The following GLI3 variants were observed in gnomAD, a reference collection of about 807,000 sequenced individuals.
GLI3 encodes the protein transcription activator GLI3.
In GLI3, 20 loss-of-function variants were observed where a neutral mutation model predicts 100.8. The ratio of observed to expected loss-of-function variants is 0.20; its 90% CI spans 0.14 to 0.29. The LOEUF is 0.29. Ranked by LOEUF, GLI3 falls within the 10% of genes least tolerant of loss-of-function variation. GLI3 has a pLI of 1.00. For missense variants in GLI3, 2,040 were observed against 2,128.5 expected, an observed-to-expected ratio of 0.96 and a Z score of 0.82; for synonymous variants, 938 against 860.5, an observed-to-expected ratio of 1.09 and a Z score of -1.58.
intron 1 of GLI3, among the ~76,000 whole-genome samples, chr7:42,247,911 G>A (rs573444026): frequency 6.6e-6 from 1 of 152,328 alleles, no homozygotes; most frequent in East Asian, 1.9e-4. Context: ...CTCGTCCTAG[G>A]TAGAATAACA....
Position 41,966,357 on chromosome 7 carries a change from A to T in GLI3, c.2716T>A (p.Ser906Thr). The T allele has an allele frequency of 6.2e-7, 1 of 1,608,126 alleles. No individual in the cohort carries two copies. The highest frequency in any genetic ancestry group is 8.5e-7 in the Non-Finnish European group (1 of 1,179,228). ...DPISTDASRRSSEASQSDGLP... is the reference protein window; with the variant it reads ...DPISTDASRRTSEASQSDGLP... ...CCGTCGCTCTGGCTGGCTTCGCTGG[A>T]GCGGCGCGAGGCGTCGGTGGAGATG... The change falls in exon 15 of 15, where the codon TCC becomes ACC. Residue 906 changes from serine (S) to threonine (T), a missense_variant. Physicochemically the swap from Ser to Thr is moderately conservative, Grantham distance 58. Around this residue, in one of 5 missense-constraint regions of GLI3, gnomAD observed 8 missense variants for 23.9 expected, o/e 0.33. Transcript: ENST00000395925. This position sits in a 1 kb window ranked among gnomAD's most constrained non-coding sequence, Gnocchi z 5.8.
chr7:42,013,541 T>C (rs1021851373), intron 10 of GLI3, among the ~76,000 whole-genome samples: 1 of 152,098 alleles, frequency 6.6e-6, no homozygotes, highest in Non-Finnish European at 1.5e-5. Flanking sequence ...ATTAGTATTA[T>C]TATTGTTATT....
Position 42,005,462 on chromosome 7 carries a change from C to CAT in GLI3, c.1497+18005_1497+18006insAT, listed in dbSNP as rs1788431563. ...ATTTTTTATCCTGAATTCACATACA[C>CAT]ACACACACACACACACACACACACA... On this transcript the variant is annotated intron_variant, in intron 10 of 14. Transcript: ENST00000395925. Among the ~76,000 whole-genome samples, 3 of 141,674 alleles carry CAT rather than the reference C, an allele frequency of 2.1e-5. No homozygotes were observed. The South Asian group carries it at 6.8e-4, about 32-fold the overall frequency. 92.9% of individuals were successfully genotyped at this position (141,674 alleles called of 152,430 possible).
At chr7:42,224,505 C>A (rs1344949875) in intron 1 of GLI3, among the ~76,000 whole-genome samples, 1 of 152,230 alleles carries the variant, frequency 6.6e-6, no homozygotes, top group African/African-American at 2.4e-5. Context: ...ACATGGCACA[C>A]TGTAGCACCG....
chr7:42,096,209 T>C (rs1785335009), intron 3 of GLI3, among the ~76,000 whole-genome samples: 1 of 152,162 alleles, frequency 6.6e-6, no homozygotes, highest in Non-Finnish European at 1.5e-5. Flanking sequence ...GTTTTGACTC[T>C]GTTTGTTTAT....
intron 7 of GLI3, 81 bp downstream of exon 7, chr7:42,039,957 C>T: frequency 2.9e-6 from 3 of 1,039,056 alleles, no homozygotes; most frequent in South Asian, 1.3e-5. Context: ...GCAGTTGGTA[C>T]TGAAAATGCA....
At position 42,182,658 on chromosome 7, in the gene GLI3, A is replaced by ATATACATGTGTG. The variant is rs1554337021; in HGVS notation, c.125-34191_125-34190insCACACATGTATA. On this transcript the variant is annotated intron_variant, in intron 2 of 14. Transcript: ENST00000395925. ...TATATGTGTGTGTATATATATATAT[A>ATATACATGTGTG]TATATATATATATATATATATATAC... Among the ~76,000 whole-genome samples the ATATACATGTGTG allele has an allele frequency of 1.4e-4, 8 of 56,052 alleles. 1 individual carries two copies. Among genetic ancestry groups the ATATACATGTGTG allele is most frequent in the African/African-American group, 3.1e-4 (3 of 9,732 alleles). The allele number at this position is 56,052 out of a possible 152,430, so 36.8% of individuals were successfully genotyped here. A position where few individuals can be genotyped will look rare whatever the true frequency, so the allele number is the denominator to read the frequency against.
chr7:42,011,988 G>A (rs948640489), intron 10 of GLI3, among the ~76,000 whole-genome samples: 8 of 152,144 alleles, frequency 5.3e-5, no homozygotes, highest in East Asian at 1.9e-4. Flanking sequence ...ATCCCTGGCC[G>A]GGGCCATCAT....
In GLI3 at chr7:42,036,294, C is replaced by T. The variant is rs62442156; in HGVS notation, c.1028+3744G>A. ...TTTCAGAAAGCCAGAATTATTCATC[C>T]ACCATGTAGAAACTTACTTTAATAA... On this transcript the variant is annotated intron_variant, in intron 7 of 14. Coordinates refer to ENST00000395925, the MANE Select transcript of GLI3 (RefSeq NM_000168.6). Among the ~76,000 whole-genome samples, 1,006 of 152,264 alleles carry T rather than the reference C, an allele frequency of 6.6e-3. 5 individuals are homozygous for T. The highest frequency in any genetic ancestry group is 8.5e-3 in the Non-Finnish European group (577 of 68,018).
rs559391562 is a variant in GLI3 at position 41,973,232 on chromosome 7, A to G, written c.1813-605T>C. ...TAGCATTACAAGTGTGGGGATGTTC[A>G]GGGCTCAAAATAGCCAGAACCTTTC... On this transcript the variant is annotated intron_variant, in intron 12 of 14. Transcript: ENST00000395925. Among the ~76,000 whole-genome samples the G allele has an allele frequency of 9.8e-5, 15 of 152,334 alleles. No homozygotes were observed. In the South Asian group the frequency reaches 2.7e-3, roughly 27 times the overall value.
intron 3 of GLI3, among the ~76,000 whole-genome samples, chr7:42,130,293 A>G (rs1197623160): frequency 6.6e-6 from 1 of 152,168 alleles, no homozygotes; most frequent in Non-Finnish European, 1.5e-5. Flanking sequence ...TAGGCCAGCT[A>G]TCCTTCTCCA....
intron 2 of GLI3, among the ~76,000 whole-genome samples, chr7:42,157,382 G>A (rs1053313891): frequency 9.9e-5 from 15 of 152,274 alleles, no homozygotes; most frequent in African/African-American, 3.6e-4. Context: ...GCCTATGAGG[G>A]AGGAGAGAAA....
intron 1 of GLI3, among the ~76,000 whole-genome samples, chr7:42,235,491 T>C (rs1788771874): frequency 6.6e-6 from 1 of 152,110 alleles, no homozygotes; most frequent in Non-Finnish European, 1.5e-5. Context: ...AAAAGTTAAT[T>C]TATTTCCACC....
chr7:42,229,085 A>G (rs1028443086), intron 1 of GLI3, among the ~76,000 whole-genome samples: 1 of 152,196 alleles, frequency 6.6e-6, no homozygotes, highest in Non-Finnish European at 1.5e-5. Context: ...CAACGTTTAA[A>G]ATGATGTTTG....
At chr7:42,197,163 G>A (rs1200855097) in intron 2 of GLI3, among the ~76,000 whole-genome samples, 2 of 152,176 alleles carry the variant, frequency 1.3e-5, no homozygotes. Flanking sequence ...TCTACTATAT[G>A]TGTCCCTCTT....
intron 3 of GLI3, among the ~76,000 whole-genome samples, chr7:42,125,492 G>A (rs1013252206): frequency 6.6e-6 from 1 of 152,182 alleles, no homozygotes; most frequent in African/African-American, 2.4e-5. Context: ...CACCACTACT[G>A]TGATTGTCTT....
At chr7:42,201,082 A>ATATATATATATAGTGTATATACTTATAT (rs1788029091) in intron 2 of GLI3, among the ~76,000 whole-genome samples, 6 of 152,318 alleles carry the variant, frequency 3.9e-5, no homozygotes, top group African/African-American at 1.2e-4. Context: ...TTTTTCTTAT[A>ATATATATATATAGTGTATATACTTATAT]AATATATACT....
chr7:42,142,259 AC>A (rs1421063117), intron 3 of GLI3, among the ~76,000 whole-genome samples: 1 of 152,164 alleles, frequency 6.6e-6, no homozygotes, highest in Non-Finnish European at 1.5e-5. Context: ...AAACAACTAT[AC>A]AAGCAGGGCA....
chr7:42,085,937 G>T (rs909572464), intron 3 of GLI3, among the ~76,000 whole-genome samples: 2 of 152,156 alleles, frequency 1.3e-5, no homozygotes, highest in African/African-American at 2.4e-5. Flanking sequence ...CAACTTTGTA[G>T]CAATTAAGAA....
Sources: allele counts gnomAD v4.1 joint callset (sites outside exome capture counted in the v4.1 genomes callset), GRCh38; gene constraint gnomAD v4.1.1; regional missense constraint gnomAD v4.1.1; non-coding constraint Gnocchi (gnomAD v3.1); transcripts MANE v1.5; gene names NCBI Gene and HGNC (gene_info 2026-07-23, HGNC 2026-07-21).